SLC35F3: variants seen among roughly 807,000 people sequenced by gnomAD.
SLC35F3 encodes solute carrier family 35 member F3.
A neutral mutation model predicts 49.9 loss-of-function variants in SLC35F3; 25 were observed. The ratio of observed to expected loss-of-function variants is 0.50; its 90% CI spans 0.37 to 0.70. SLC35F3 has a LOEUF of 0.70. Ranked by LOEUF, SLC35F3 falls within the 30% of genes least tolerant of loss-of-function variation. The probability of loss-of-function intolerance (pLI) is 0.00; values close to 1 mark genes in which losing one functional copy is unlikely to be tolerated. For synonymous variants in SLC35F3, 275 were observed against 265.4 expected (o/e 1.04, Z -0.35); for missense variants, 525 against 639.8 (o/e 0.82, Z 1.94).
At chr1:234,268,347 C>T (rs1301001641) in intron 3 of SLC35F3, among the ~76,000 whole-genome samples, 3 of 57,748 alleles carry the variant, frequency 5.2e-5, no homozygotes, top group Non-Finnish European at 7.7e-5. Context: ...CGCACGCACT[C>T]GGCAGGCTGT....
intron 2 of SLC35F3, among the ~76,000 whole-genome samples, chr1:234,223,086 AC>A (rs924361748): frequency 6.6e-6 from 1 of 152,210 alleles, no homozygotes; most frequent in African/African-American, 2.4e-5. Flanking sequence ...CAGGGCACAA[AC>A]AGTATTATTT....
chr1:233,931,726 A>T (rs4920178), intron 2 of SLC35F3, among the ~76,000 whole-genome samples: 44,870 of 152,102 alleles, frequency 0.29, 7,694 homozygotes, highest in Admixed American at 0.49. Context: ...ATTGTGGAAG[A>T]CAGTGTGGCA....
At chr1:234,015,848 A>G (rs921603709) in intron 2 of SLC35F3, among the ~76,000 whole-genome samples, 4 of 152,236 alleles carry the variant, frequency 2.6e-5, no homozygotes, top group Non-Finnish European at 5.9e-5. Context: ...AAAGGAAACA[A>G]TAAAGTGAGG....
At chr1:234,215,602 A>T (rs1366265623) in intron 2 of SLC35F3, among the ~76,000 whole-genome samples, 1 of 152,210 alleles carries the variant, frequency 6.6e-6, no homozygotes, top group Non-Finnish European at 1.5e-5. Flanking sequence ...GCTCCGACAG[A>T]GCCTGGCTTC....
chr1:234,147,141 T>G (rs1178224829), intron 2 of SLC35F3, among the ~76,000 whole-genome samples: 1 of 152,226 alleles, frequency 6.6e-6, no homozygotes, highest in Non-Finnish European at 1.5e-5. Context: ...GTTGGTAAGT[T>G]TTACTGTATT....
chr1:233,970,583 C>T (rs954719873), intron 2 of SLC35F3, among the ~76,000 whole-genome samples: 16 of 152,130 alleles, frequency 1.1e-4, no homozygotes, highest in Admixed American at 5.9e-4. Context: ...CTAGTATCTC[C>T]GAACATGGCT....
intron 2 of SLC35F3, among the ~76,000 whole-genome samples, chr1:233,981,634 C>G (rs1161594030): frequency 6.6e-6 from 1 of 150,594 alleles, no homozygotes; most frequent in Non-Finnish European, 1.5e-5. Context: ...ATGTACAGGT[C>G]TTTGTGTGGA....
intron 2 of SLC35F3, among the ~76,000 whole-genome samples, chr1:234,226,961 G>GCACACACACACACACACA (rs57809897): frequency 8.2e-4 from 122 of 148,736 alleles, no homozygotes; most frequent in African/African-American, 3.0e-3. Flanking sequence ...GCGCACGCGT[G>GCACACACACACACACACA]CACACACACA....
At position 234,139,872 on chromosome 1, in the gene SLC35F3, C is replaced by T. The variant is rs74565754; in HGVS notation, c.284-91545C>T. Among the ~76,000 whole-genome samples the T allele has an allele frequency of 1.3e-4, 19 of 151,172 alleles. No homozygotes were observed. The South Asian group carries it at 1.5e-3, about 12-fold the overall frequency. ...CTGAGGCAGGAGAATCGCTTGAACC[C>T]GGGAGGCAGAGGTTGCAGTGAGCCG... On this transcript the variant is annotated intron_variant, in intron 2 of 7. Coordinates refer to ENST00000366618, the MANE Select transcript of SLC35F3 (RefSeq NM_173508.4).
intron 2 of SLC35F3, among the ~76,000 whole-genome samples, chr1:234,169,653 G>A (rs1386817270): frequency 6.6e-6 from 1 of 152,238 alleles, no homozygotes; most frequent in Non-Finnish European, 1.5e-5. Flanking sequence ...TCCACAGGAA[G>A]TCCAGGCTTA....
At chr1:234,213,651 A>C (rs1195138487) in intron 2 of SLC35F3, 1 of 152,268 alleles carries the variant, frequency 6.6e-6, no homozygotes, top group East Asian at 1.9e-4. Context: ...GGCAAATGTC[A>C]GATCTGCAGC....
At chr1:234,139,242 T>C (rs12741734) in intron 2 of SLC35F3, among the ~76,000 whole-genome samples, 32,548 of 152,174 alleles carry the variant, frequency 0.21, 4,546 homozygotes, top group Non-Finnish European at 0.32. Context: ...TATTATTAGA[T>C]GTAGTTGCAT....
At chr1:234,222,011 A>G (rs572879048) in intron 2 of SLC35F3, among the ~76,000 whole-genome samples, 44 of 152,340 alleles carry the variant, frequency 2.9e-4, no homozygotes, top group South Asian at 1.0e-3. Context: ...GGAATCTAGC[A>G]TGTGCATGTA....
chr1:234,232,953 A>T (rs1236382834), intron 3 of SLC35F3, among the ~76,000 whole-genome samples: 1 of 152,188 alleles, frequency 6.6e-6, no homozygotes, highest in East Asian at 1.9e-4. Flanking sequence ...CAGAGCACGA[A>T]TTCTGGAGGA....
chr1:234,053,963 A>G (rs932910805), intron 2 of SLC35F3, among the ~76,000 whole-genome samples: 2 of 152,194 alleles, frequency 1.3e-5, no homozygotes, highest in African/African-American at 4.8e-5. Context: ...AATGTTGAAT[A>G]TTGGCCCCCA....
At chr1:233,912,868 A>C (rs185377041) in intron 2 of SLC35F3, among the ~76,000 whole-genome samples, 2 of 152,234 alleles carry the variant, frequency 1.3e-5, no homozygotes, top group Admixed American at 6.5e-5. Context: ...AACTGAAACC[A>C]TGGGAAGCAA....
At chr1:234,108,817 T>G (rs900649208) in intron 2 of SLC35F3, among the ~76,000 whole-genome samples, 1 of 138,600 alleles carries the variant, frequency 7.2e-6, no homozygotes, top group African/African-American at 2.7e-5. Flanking sequence ...ATATAAAAGA[T>G]ATATATATAT....
At chr1:234,089,252 A>G (rs1204714427) in intron 2 of SLC35F3, among the ~76,000 whole-genome samples, 1 of 152,228 alleles carries the variant, frequency 6.6e-6, no homozygotes, top group Admixed American at 6.5e-5. Flanking sequence ...CAGACCATAA[A>G]GTCCTCTCAG....
At chr1:234,188,729 CA>C (rs1666684512) in intron 2 of SLC35F3, among the ~76,000 whole-genome samples, 1 of 152,126 alleles carries the variant, frequency 6.6e-6, no homozygotes, top group African/African-American at 2.4e-5. Flanking sequence ...CACCTCCTGG[CA>C]GGAGGGCAAC....
Sources: allele counts gnomAD v4.1 joint callset (sites outside exome capture counted in the v4.1 genomes callset), GRCh38; gene constraint gnomAD v4.1.1; transcripts MANE v1.5; gene names NCBI Gene and HGNC (gene_info 2026-07-23, HGNC 2026-07-21).